Variants in UTP6 observed in about 807,000 individuals in gnomAD.
The protein encoded by UTP6 is U3 small nucleolar RNA-associated protein 6 homolog.
UTP6 carries 60 observed loss-of-function variants against 96.5 expected under a neutral mutation model. That is an observed-to-expected ratio of 0.62 (90% CI 0.51 to 0.77). UTP6 has a LOEUF of 0.77. UTP6 is among the 30% of genes least tolerant of loss of function. UTP6 has a pLI of 0.00. For synonymous variants in UTP6, 215 were observed against 240.1 expected (o/e 0.90, Z 0.96); for missense variants, 637 against 706.5 (o/e 0.90, Z 1.12).
intron 9 of UTP6, among the ~76,000 whole-genome samples, chr17:31,885,218 C>T (rs1344765848): frequency 6.6e-6 from 1 of 152,026 alleles, no homozygotes; most frequent in Admixed American, 6.6e-5. Context: ...GCTCTCAGCT[C>T]ACTGCAACCT....
chr17:31,888,356 G>T (rs141653337), intron 7 of UTP6: 54 of 152,328 alleles, frequency 3.5e-4, no homozygotes, highest in African/African-American at 1.3e-3. Context: ...ACAGGAAGGA[G>T]GCGGGGGTTC....
intron 7 of UTP6, 101 bp downstream of exon 7, chr17:31,889,184 G>T: frequency 1.2e-6 from 1 of 803,366 alleles, no homozygotes; most frequent in Non-Finnish European, 1.9e-6. Flanking sequence ...CTACTCGGGA[G>T]GCTGAGGCGT....
At chr17:31,893,609 A>G (rs1452852007) in intron 4 of UTP6, among the ~76,000 whole-genome samples, 1 of 151,410 alleles carries the variant, frequency 6.6e-6, no homozygotes, top group East Asian at 2.0e-4. Context: ...GCGTGCCTGA[A>G]GTCCCAGGTA....
intron 2 of UTP6, among the ~76,000 whole-genome samples, chr17:31,896,372 T>C (rs1303439414): frequency 6.6e-6 from 1 of 152,054 alleles, no homozygotes; most frequent in African/African-American, 2.4e-5. Flanking sequence ...GCTACCGCGC[T>C]CGGCCCCTAC....
chr17:31,895,030 CA>C lies in UTP6; in HGVS notation c.178-20del. The stretch of plus-strand genomic sequence containing the variant: ...TTTCATACTATGAAAGAAAAACATA[CA>C]AAAAAATGAGAAGCTAGAAAATCTA... On this transcript the variant is annotated intron_variant, in intron 2 of 18. Transcript: ENST00000261708. 5 of 1,502,620 alleles carry C rather than the reference CA, an allele frequency of 3.3e-6. No homozygotes were observed. The highest frequency in any genetic ancestry group is 4.7e-5 in the East Asian group (2 of 42,250). The allele number at this position is 1,502,620 out of a possible 1,614,324, so 93.1% of individuals were successfully genotyped here.
At chr17:31,873,808 A>G in intron 14 of UTP6, 55 bp from the exon 15 acceptor site, 2 of 1,534,894 alleles carry the variant, frequency 1.3e-6, no homozygotes, top group Non-Finnish European at 1.8e-6. Flanking sequence ...AAAACATCGC[A>G]TGTACCCTAT....
At chr17:31,863,968 T>C (rs1207148413) in intron 18 of UTP6, among the ~76,000 whole-genome samples, 1 of 152,212 alleles carries the variant, frequency 6.6e-6, no homozygotes, top group East Asian at 1.9e-4. Flanking sequence ...TCCAAAGTGC[T>C]GGGATTACAG....
intron 17 of UTP6, among the ~76,000 whole-genome samples, chr17:31,866,254 T>C (rs1328712170): frequency 7.7e-6 from 1 of 129,766 alleles, no homozygotes; most frequent in African/African-American, 3.0e-5. Flanking sequence ...GCCACTACAC[T>C]CCAGCCTGGG....
chr17:31,873,262 A>G (rs968959657), intron 16 of UTP6, 116 bp downstream of exon 16: 1 of 1,019,014 alleles, frequency 9.8e-7, no homozygotes, highest in South Asian at 1.5e-5. Flanking sequence ...TTAAAAAAAA[A>G]GAAAAAGTGT....
At chr17:31,889,558 G>A (rs553426505) in intron 6 of UTP6, among the ~76,000 whole-genome samples, 155 bp from the exon 7 acceptor site, 80 of 146,774 alleles carry the variant, frequency 5.5e-4, no homozygotes, top group Middle Eastern at 3.4e-3. Flanking sequence ...GTGCAGTGAC[G>A]CAATCTCGGC....
At chr17:31,864,645 C>G (rs1909714491) in intron 18 of UTP6, among the ~76,000 whole-genome samples, 1 of 152,134 alleles carries the variant, frequency 6.6e-6, no homozygotes, top group South Asian at 2.1e-4. Context: ...GTTTTTGAGA[C>G]AGGATCTCAT....
At chr17:31,873,557 G>A in intron 15 of UTP6, 70 bp from the exon 16 acceptor site, 1 of 1,604,046 alleles carries the variant, frequency 6.2e-7, no homozygotes. Flanking sequence ...GATTTTCCCA[G>A]AACCACCTGA....
At chr17:31,896,725 C>T (rs1904672923) in intron 2 of UTP6, among the ~76,000 whole-genome samples, 1 of 151,930 alleles carries the variant, frequency 6.6e-6, no homozygotes, top group African/African-American at 2.4e-5. Flanking sequence ...CAGCTTCCAC[C>T]TCCCAGGTTC....
chr17:31,886,479 C>T (rs563043196), intron 8 of UTP6: 260 of 154,992 alleles, frequency 1.7e-3, no homozygotes, highest in Middle Eastern at 0.01. Context: ...GCCTGGCCAA[C>T]ATGGCAAAAC....
At chr17:31,886,789 A>G (rs1286365904) in intron 8 of UTP6, 1 of 152,948 alleles carries the variant, frequency 6.5e-6, no homozygotes, top group Non-Finnish European at 1.5e-5. Context: ...GGAAAGAAAG[A>G]AGGCCAGGAA....
chr17:31,893,377 C>T (rs1445759377), intron 4 of UTP6, among the ~76,000 whole-genome samples: 7 of 141,024 alleles, frequency 5.0e-5, no homozygotes, highest in South Asian at 4.4e-4. Context: ...AGTGAGCTGC[C>T]GAGATTGTGT....
intron 14 of UTP6, 118 bp downstream of exon 14, chr17:31,875,116 G>T (rs2142297783): frequency 1.7e-6 from 2 of 1,193,322 alleles, no homozygotes; most frequent in Non-Finnish European, 1.2e-6. Flanking sequence ...CATCACCACT[G>T]AATAGCAAAT....
At chr17:31,883,591 A>C (rs1405219193) in intron 10 of UTP6, among the ~76,000 whole-genome samples, 1 of 151,944 alleles carries the variant, frequency 6.6e-6, no homozygotes, top group East Asian at 1.9e-4. Flanking sequence ...CCGGGATTAC[A>C]GGCTTAAGCC....
At chr17:31,892,652 C>T in intron 5 of UTP6, 95 bp downstream of exon 5, 1 of 1,495,646 alleles carries the variant, frequency 6.7e-7, no homozygotes, top group Non-Finnish European at 9.2e-7. Flanking sequence ...TCATGTTAAC[C>T]CTACACTTCA....
Sources: gnomAD v4.1 joint callset for allele counts (sites outside exome capture counted in the v4.1 genomes callset) on GRCh38, gnomAD v4.1.1 for gene constraint, MANE v1.5 for transcripts, NCBI Gene and HGNC (gene_info 2026-07-23, HGNC 2026-07-21) for gene names.